Variants in DST observed in about 807,000 individuals in gnomAD.
The protein encoded by DST is bullous pemphigoid antigen.
Under a neutral mutation model 875.2 loss-of-function variants are expected in DST, and 253 were observed. That is an observed-to-expected ratio of 0.29 (90% CI 0.26 to 0.32). The LOEUF (loss-of-function observed/expected upper bound fraction) is 0.32, where lower values mean the gene tolerates loss of function less well. Among genes scored for constraint, DST ranks in the 10% least tolerant of loss-of-function variants. The pLI, the probability that DST is intolerant of heterozygous loss-of-function variation, is 1.00. For synonymous variants in DST, 3,124 were observed against 3,197.1 expected, an observed-to-expected ratio of 0.98 and a Z score of 0.77; for missense variants, 8,287 against 9,111.6, an observed-to-expected ratio of 0.91 and a Z score of 3.68.
At chr6:56,485,496 A>C (rs1197112764) in intron 87 of DST, 25 bp from the exon 88 acceptor site, 1 of 1,605,086 alleles carries the variant, frequency 6.2e-7, no homozygotes, top group African/African-American at 1.3e-5. Context: ...AGAAAAATTG[A>C]TCCTTGCAAC....
intron 4 of DST, among the ~76,000 whole-genome samples, chr6:56,803,782 A>G (rs2099750061): frequency 6.6e-6 from 1 of 152,180 alleles, no homozygotes; most frequent in South Asian, 2.1e-4. Context: ...ACAACTCCCT[A>G]GGGAGCAGTG....
chr6:56,476,189 T>G lies in DST; in HGVS notation c.21824A>C (p.Gln7275Pro), dbSNP rs2095181390. 1.2e-6 allele frequency: 2 copies of G among 1,613,206 alleles called. No homozygotes were observed. Among genetic ancestry groups the G allele is most frequent in the Non-Finnish European group, 1.7e-6 (2 of 1,179,538 alleles). Residue 7275 changes from glutamine (Q) to proline (P), a missense_variant, in exon 92 of 104, where the codon CAG (glutamine) becomes CCG (proline). By Grantham distance (76) the Gln-to-Pro change is moderately conservative. Coordinates refer to ENST00000680361, the MANE Select transcript of DST (RefSeq NM_001374736.1). Reference sequence around the variant, plus strand: ...GAGTGCTTTCACCTCTTCGATCTCCTGGGGGATGACTTCTTTATCCTTATC... The same window carrying G: ...GAGTGCTTTCACCTCTTCGATCTCCGGGGGGATGACTTCTTTATCCTTATC... ...LTDKDKEVIP[Q>P]EIEEVKALIA...
chr6:56,665,013 A>C (rs969507440), intron 10 of DST, among the ~76,000 whole-genome samples: 1 of 152,154 alleles, frequency 6.6e-6, no homozygotes, highest in African/African-American at 2.4e-5. Context: ...TCTTCCACTA[A>C]ATCATATAAC....
chr6:56,591,555 G>A (rs1050465254), intron 49 of DST, among the ~76,000 whole-genome samples: 1 of 152,152 alleles, frequency 6.6e-6, no homozygotes, highest in African/African-American at 2.4e-5. Flanking sequence ...TTCTAATGGA[G>A]GAAAAAACAG....
At chr6:56,522,208 C>T (rs2096720502) in intron 69 of DST, among the ~76,000 whole-genome samples, 2 of 152,060 alleles carry the variant, frequency 1.3e-5, no homozygotes, top group African/African-American at 4.8e-5. Flanking sequence ...TCCTTTAATC[C>T]TGACAGCTGT....
intron 3 of DST, among the ~76,000 whole-genome samples, chr6:56,886,153 C>T (rs2127649043): frequency 6.6e-6 from 1 of 152,306 alleles, no homozygotes; most frequent in Middle Eastern, 3.4e-3. Flanking sequence ...CATTGGGATA[C>T]TGAATAATTC....
At chr6:56,791,695 G>A (rs899944225) in intron 4 of DST, among the ~76,000 whole-genome samples, 3 of 151,464 alleles carry the variant, frequency 2.0e-5, no homozygotes, top group Admixed American at 1.3e-4. Context: ...TGAGGTAGGA[G>A]GATCACCTGA....
At chr6:56,778,286 G>A (rs1450676014) in intron 4 of DST, among the ~76,000 whole-genome samples, 1 of 149,284 alleles carries the variant, frequency 6.7e-6, no homozygotes, top group Non-Finnish European at 1.5e-5. Context: ...AACTGAGGCA[G>A]AAATATTGCA....
intron 98 of DST, chr6:56,467,096 A>G (rs773230218): frequency 2.0e-5 from 3 of 152,182 alleles, no homozygotes; most frequent in Non-Finnish European, 2.9e-5. Context: ...ATCATTTCTA[A>G]TAGGTTCATG....
rs116618656 is a variant in DST at position 56,463,865 on chromosome 6, G to A, written c.22760-101C>T. ...ACGGCCACCTGGCACCAGAGATCAC[G>A]TTGAGAATTTCAAGAACATCTTTTT... On this transcript the variant is annotated intron_variant, in intron 100 of 103. Transcript: ENST00000680361. 1.5e-3 allele frequency: 1,882 copies of A among 1,215,400 alleles called. 9 individuals are homozygous for A. The highest frequency in any genetic ancestry group is 9.9e-3 in the African/African-American group (663 of 67,274). The allele number at this position is 1,215,400 out of a possible 1,614,324, so 75.3% of individuals were successfully genotyped here.
intron 86 of DST, 150 bp from the exon 87 acceptor site, chr6:56,487,423 C>T: frequency 1.5e-6 from 1 of 668,580 alleles, no homozygotes; most frequent in Non-Finnish European, 2.3e-6. Flanking sequence ...TTGACTTTAC[C>T]ATGGTACGAA....
chr6:56,460,077 C>T, intron 103 of DST, 54 bp downstream of exon 103: 1 of 1,551,540 alleles, frequency 6.4e-7, no homozygotes. Flanking sequence ...GGACTTTAAT[C>T]CTCAGATGAC....
At chr6:56,912,442 A>G (rs774624129) in intron 2 of DST, among the ~76,000 whole-genome samples, 39 of 152,236 alleles carry the variant, frequency 2.6e-4, no homozygotes, top group Non-Finnish European at 5.9e-5. Flanking sequence ...TGGATAATAC[A>G]GATAAAACAT....
At chr6:56,794,863 G>C (rs1402926866) in intron 4 of DST, among the ~76,000 whole-genome samples, 1 of 152,100 alleles carries the variant, frequency 6.6e-6, no homozygotes, top group Non-Finnish European at 1.5e-5. Flanking sequence ...AATATGACCA[G>C]CCCAAGAGAA....
chr6:56,708,192 C>T (rs1373714122), intron 5 of DST, among the ~76,000 whole-genome samples: 1 of 152,136 alleles, frequency 6.6e-6, no homozygotes, highest in Non-Finnish European at 1.5e-5. Flanking sequence ...CCTAAACTCT[C>T]TAGGCTTCAG....
intron 3 of DST, 88 bp from the exon 4 acceptor site, chr6:56,851,692 G>A (rs564989704): frequency 1.3e-6 from 2 of 1,550,122 alleles, no homozygotes; most frequent in Admixed American, 2.0e-5. Context: ...AACCACCGCC[G>A]CCCTCCCTGC....
At chr6:56,782,324 T>C (rs2099695815) in intron 4 of DST, among the ~76,000 whole-genome samples, 2 of 152,222 alleles carry the variant, frequency 1.3e-5, no homozygotes, top group Non-Finnish European at 2.9e-5. Flanking sequence ...GTACCTCTGG[T>C]AGAATTCGGC....
Position 56,604,375 on chromosome 6 carries a change from G to A in DST, c.10253C>T (p.Ser3418Phe). The change falls in exon 40 of 104, where the codon TCC becomes TTC. Residue 3418 changes from serine (S) to phenylalanine (F), a missense_variant. By Grantham distance (155) the Ser-to-Phe change is radical. Around this residue, in one of 10 missense-constraint regions of DST, gnomAD observed 3,138 missense variants for 3,116.6 expected, o/e 1.01. Coordinates refer to ENST00000680361, the MANE Select transcript of DST (RefSeq NM_001374736.1). ...TAGTTCTGATGAGTTAGTCATGGGGGAAACTCCAGAAGAGTCACTCATTTG... is the reference window on the plus strand; with the variant it reads ...TAGTTCTGATGAGTTAGTCATGGGGAAAACTCCAGAAGAGTCACTCATTTG... ...DSQMSDSSGVSPMTNSSELKP... is the reference protein window; with the variant it reads ...DSQMSDSSGVFPMTNSSELKP... The A allele has an allele frequency of 1.2e-6, 2 of 1,611,836 alleles. No individual in the cohort carries two copies. The highest frequency in any genetic ancestry group is 1.7e-4 in the Middle Eastern group (1 of 6,052).
chr6:56,654,847 A>G (rs2098997438), intron 10 of DST, among the ~76,000 whole-genome samples: 1 of 152,036 alleles, frequency 6.6e-6, no homozygotes, highest in Admixed American at 6.6e-5. Flanking sequence ...GGAACATATG[A>G]CTTCTACAGT....
Sources: allele counts gnomAD v4.1 joint callset (sites outside exome capture counted in the v4.1 genomes callset), GRCh38; gene constraint gnomAD v4.1.1; regional missense constraint gnomAD v4.1.1; transcripts MANE v1.5; gene names NCBI Gene and HGNC (gene_info 2026-07-23, HGNC 2026-07-21).